The following PACSIN3 variants were observed in gnomAD, a reference collection of about 807,000 sequenced individuals.
PACSIN3 encodes the protein protein kinase C and casein kinase substrate in neurons protein 3.
PACSIN3 carries 34 observed loss-of-function variants against 56.1 expected under a neutral mutation model. The observed-to-expected ratio is 0.61, with a 90% confidence interval of 0.46 to 0.81. The LOEUF is 0.81. Ranked by LOEUF, PACSIN3 falls within the 30% of genes least tolerant of loss-of-function variation. The probability of loss-of-function intolerance (pLI) is 0.00; values close to 1 mark genes in which losing one functional copy is unlikely to be tolerated. For missense variants in PACSIN3, 535 were observed against 592.4 expected (o/e 0.90, Z 1.01); for synonymous variants, 218 against 229.8 (o/e 0.95, Z 0.46).
Position 47,179,134 on chromosome 11 carries a change from T to A in PACSIN3, c.900+25A>T. 1.2e-6 allele frequency: 2 copies of A among 1,613,028 alleles called. No individual in the cohort carries two copies. Among genetic ancestry groups the A allele is most frequent in the Non-Finnish European group, 1.7e-6 (2 of 1,179,690 alleles). On this transcript the variant is annotated intron_variant, in intron 8 of 10. Coordinates refer to ENST00000298838, the MANE Select transcript of PACSIN3 (RefSeq NM_016223.5). This position sits in a 1 kb window ranked among gnomAD's most constrained non-coding sequence, Gnocchi z 4.4. ...GAGTGGGAGCCCATCCCACCTCCCA[T>A]CCCCACCCCGCCTGGAACACATGCC... is the stretch of plus-strand genomic sequence containing the variant.
rs1217291850 is a variant in PACSIN3 at position 47,179,935 on chromosome 11, A to G, written c.603+251T>C. 6.6e-6 allele frequency among the ~76,000 whole-genome samples: 1 copy of G among 152,206 alleles called. No individual in the cohort carries two copies. Among genetic ancestry groups the G allele is most frequent in the African/African-American group, 2.4e-5 (1 of 41,448 alleles). ...GGAAAGGACACTTCGGGCAAAGGGT[A>G]CTGTGCAAGGAAAAGAGCTGGAAGT... On this transcript the variant is annotated intron_variant, in intron 6 of 10. Transcript: ENST00000298838. This position sits in a 1 kb window ranked among gnomAD's most constrained non-coding sequence, Gnocchi z 4.4.
intron 4 of PACSIN3, 71 bp from the exon 5 acceptor site, chr11:47,180,761 T>C: frequency 7.9e-7 from 1 of 1,267,518 alleles, no homozygotes; most frequent in South Asian, 1.4e-5. Context: ...TCTCACTGGG[T>C]GTGAGGCATG....
chr11:47,178,605 A>T lies in PACSIN3; in HGVS notation c.1038-118T>A. On this transcript the variant is annotated intron_variant, in intron 9 of 10. Transcript: ENST00000298838. This position sits in a 1 kb window ranked among gnomAD's most constrained non-coding sequence, Gnocchi z 4.2. ...CAGAGGCACCTGGGAGAGTCAGGTG[A>T]GGTACTAAAGATTCTAGCTCTACCT... 7.6e-7 allele frequency: 1 copy of T among 1,318,862 alleles called. No individual in the cohort carries two copies. The highest frequency in any genetic ancestry group is 1.0e-6 in the Non-Finnish European group (1 of 972,116). 81.7% of individuals were successfully genotyped at this position (1,318,862 alleles called of 1,614,324 possible).
In PACSIN3 at chr11:47,180,471, A is replaced by G; in HGVS notation, c.431T>C (p.Leu144Pro). 1 of 1,601,058 alleles carries G rather than the reference A, an allele frequency of 6.2e-7. No homozygotes were observed. Among genetic ancestry groups the G allele is most frequent in the Non-Finnish European group, 8.5e-7 (1 of 1,176,296 alleles). ...DGFRKAQKPW[L>P]KRLKEVEASK... ...CAGCCTCACCTCCTTCAGCCTCTTC[A>G]GCCAGGGCTTCTGGGCCTTGCGGAA... Residue 144 changes from leucine (L) to proline (P), a missense_variant, in exon 5 of 11, where the codon CTG (leucine) becomes CCG (proline). By Grantham distance (98) the Leu-to-Pro change is moderately conservative (BLOSUM62 -3). Coordinates refer to ENST00000298838, the MANE Select transcript of PACSIN3 (RefSeq NM_016223.5).
intron 4 of PACSIN3, 71 bp downstream of exon 4, chr11:47,182,332 C>T (rs1009821104): frequency 2.6e-5 from 38 of 1,462,466 alleles, no homozygotes; most frequent in South Asian, 2.5e-4. Context: ...TCCCACGAGA[C>T]GTGCAAAAAG....
Position 47,178,760 on chromosome 11 carries a change from C to T in PACSIN3, c.1037+134G>A. On this transcript the variant is annotated intron_variant, in intron 9 of 10. Transcript: ENST00000298838. The surrounding 1 kb of genome is among the most constrained non-coding windows in gnomAD (Gnocchi z 4.2). ...ATGAGAACCAGTATCATTACAACTA[C>T]TAAGTAGGCCCTCAGGTCCCTGGCA... 2 of 1,004,950 alleles carry T rather than the reference C, an allele frequency of 2.0e-6. No individual in the cohort carries two copies. The highest frequency in any genetic ancestry group is 3.1e-5 in the South Asian group (2 of 63,924). The allele number at this position is 1,004,950 out of a possible 1,614,324, so 62.3% of individuals were successfully genotyped here. A position where few individuals can be genotyped will look rare whatever the true frequency, so the allele number is the denominator to read the frequency against.
At position 47,179,318 on chromosome 11, in the gene PACSIN3, G is replaced by A; in HGVS notation, c.780-39C>T. On this transcript the variant is annotated intron_variant, in intron 7 of 10. Coordinates refer to ENST00000298838, the MANE Select transcript of PACSIN3 (RefSeq NM_016223.5). This position sits in a 1 kb window ranked among gnomAD's most constrained non-coding sequence, Gnocchi z 4.4. ...CACACCCCTCAGTCTAGGAAGTCTA[G>A]ACCCTGCATCCCTCAGTCCCAGCCA... The A allele has an allele frequency of 6.2e-7, 1 of 1,613,924 alleles. No homozygotes were observed. The highest frequency in any genetic ancestry group is 1.6e-4 in the Middle Eastern group (1 of 6,062).
rs138556546 is a variant in PACSIN3, at chr11:47,178,764, G to T, written c.1037+130C>A. 44 of 1,033,244 alleles carry T rather than the reference G, an allele frequency of 4.3e-5. 1 individual carries two copies. The East Asian group carries it at 1.1e-3, about 27-fold the overall frequency. 64.0% of individuals were successfully genotyped at this position (1,033,244 alleles called of 1,614,324 possible). On this transcript the variant is annotated intron_variant, in intron 9 of 10. Coordinates refer to ENST00000298838, the MANE Select transcript of PACSIN3 (RefSeq NM_016223.5). The surrounding 1 kb of genome is among the most constrained non-coding windows in gnomAD (Gnocchi z 4.2). The stretch of plus-strand genomic sequence containing the variant: ...GAACCAGTATCATTACAACTACTAA[G>T]TAGGCCCTCAGGTCCCTGGCACCAA...
intron 6 of PACSIN3, 39 bp downstream of exon 6, chr11:47,180,147 C>T: frequency 6.3e-7 from 1 of 1,580,232 alleles, no homozygotes; most frequent in Admixed American, 1.7e-5. Context: ...GGAAGCCGTG[C>T]CCTGGGCGGG....
rs1590974622 is a variant in PACSIN3, at chr11:47,182,499, G to T, written c.115C>A (p.Leu39Met). Residue 39 changes from leucine to methionine, a missense_variant, in exon 4 of 11, where the codon CTG becomes ATG. Transcript: ENST00000298838. ...GCGCGCTCCTGGAAGCAGCTGACCA[G>T]GTCCCCGCACAGCCGGTGCCCGTCC... is the stretch of plus-strand genomic sequence containing the variant. The part of the protein sequence containing the change: ...VEDGHRLCGD[L>M]VSCFQERARI... 1 of 1,611,884 alleles carries T rather than the reference G, an allele frequency of 6.2e-7. No homozygotes were observed. The highest frequency in any genetic ancestry group is 1.7e-5 in the Admixed American group (1 of 60,024).
rs1046192036 is a variant in PACSIN3, at chr11:47,177,840, G to A, written c.*91C>T. ...AGGGACAGAGGAGCAGCCAGAGAGC[G>A]ACGGTTCAGGGCCCTGAGGGTCCGG... is the stretch of plus-strand genomic sequence containing the variant. On this transcript the variant is annotated 3_prime_UTR_variant, in exon 11 of 11. Transcript: ENST00000298838. 13 of 982,152 alleles carry A rather than the reference G, an allele frequency of 1.3e-5. No homozygotes were observed. Among genetic ancestry groups the A allele is most frequent in the East Asian group, 4.9e-5 (2 of 40,466 alleles). 60.8% of individuals were successfully genotyped at this position (982,152 alleles called of 1,614,324 possible). A position where few individuals can be genotyped will look rare whatever the true frequency, so the allele number is the denominator to read the frequency against.
At chr11:47,180,385 T>C in intron 5 of PACSIN3, 44 bp from the exon 6 acceptor site, 1 of 1,599,870 alleles carries the variant, frequency 6.3e-7, no homozygotes, top group South Asian at 1.1e-5. Flanking sequence ...TGCCACACCT[T>C]GGCCCCCTCG....
chr11:47,183,271 T>C (rs1953063583), intron 1 of PACSIN3: 1 of 152,556 alleles, frequency 6.6e-6, no homozygotes, highest in Non-Finnish European at 1.5e-5. Flanking sequence ...CAACTGCCGA[T>C]GAGAGGACTC....
chr11:47,178,327 A>G lies in PACSIN3; in HGVS notation c.1159+39T>C, dbSNP rs749839567. Reference sequence around the variant, plus strand: ...TTCTGACACCCCTGCTCAGGCAGATAAGGCAGAGGCTGAAGCTAGGAAAGG... The same window carrying G: ...TTCTGACACCCCTGCTCAGGCAGATGAGGCAGAGGCTGAAGCTAGGAAAGG... On this transcript the variant is annotated intron_variant, in intron 10 of 10. Transcript: ENST00000298838. The surrounding 1 kb of genome is among the most constrained non-coding windows in gnomAD (Gnocchi z 4.2). 7 of 1,609,546 alleles carry G rather than the reference A, an allele frequency of 4.3e-6. No individual in the cohort carries two copies. The highest frequency in any genetic ancestry group is 8.5e-7 in the Non-Finnish European group (1 of 1,177,560).
intron 1 of PACSIN3, chr11:47,185,230 G>T (rs375396082): frequency 6.6e-6 from 1 of 152,306 alleles, no homozygotes; most frequent in Non-Finnish European, 1.5e-5. Flanking sequence ...GCCAAGGTAG[G>T]AAGTCCCTGG....
chr11:47,180,430 G>A (rs61897851), intron 5 of PACSIN3, 25 bp downstream of exon 5: 37 of 1,591,526 alleles, frequency 2.3e-5, no homozygotes, highest in Admixed American at 6.7e-5. Context: ...AGCCTGTCTC[G>A]GATACCTCCC....
chr11:47,179,043 T>C lies in PACSIN3; in HGVS notation c.901-13A>G, dbSNP rs1423966886. 6 of 1,613,974 alleles carry C rather than the reference T, an allele frequency of 3.7e-6. No individual in the cohort carries two copies. The South Asian group carries it at 5.5e-5, about 15-fold the overall frequency. On this transcript the variant is annotated splice_polypyrimidine_tract_variant and intron_variant, in intron 8 of 10. Coordinates refer to ENST00000298838, the MANE Select transcript of PACSIN3 (RefSeq NM_016223.5). This position sits in a 1 kb window ranked among gnomAD's most constrained non-coding sequence, Gnocchi z 4.4. ...CCAAGGACCACTCCTGTGGGGACAGTGCTTATAGTCAGGTGGGGCCATCTG... is the reference window on the plus strand; with the variant it reads ...CCAAGGACCACTCCTGTGGGGACAGCGCTTATAGTCAGGTGGGGCCATCTG...
At position 47,178,091 on chromosome 11, in the gene PACSIN3, C is replaced by A; in HGVS notation, c.1160-45G>T. The A allele has an allele frequency of 6.5e-7, 1 of 1,535,670 alleles. No individual in the cohort carries two copies. Among genetic ancestry groups the A allele is most frequent in the East Asian group, 2.3e-5 (1 of 43,500 alleles). The stretch of plus-strand genomic sequence containing the variant: ...TCACTGCCAGTGGCCCTGGCCCAGG[C>A]CCTGTTCCTGCAACTGGGTCAAGGA... On this transcript the variant is annotated intron_variant, in intron 10 of 10. Coordinates refer to ENST00000298838, the MANE Select transcript of PACSIN3 (RefSeq NM_016223.5). This position sits in a 1 kb window ranked among gnomAD's most constrained non-coding sequence, Gnocchi z 4.2.
At position 47,179,520 on chromosome 11, in the gene PACSIN3, T is replaced by C; in HGVS notation, c.670A>G (p.Met224Val). The C allele has an allele frequency of 2.5e-6, 4 of 1,613,936 alleles. No individual in the cohort carries two copies. The highest frequency in any genetic ancestry group is 1.1e-5 in the South Asian group (1 of 91,088). The change falls in exon 7 of 11, where the codon ATG (methionine) becomes GTG (valine). Residue 224 changes from methionine to valine, a missense_variant. Met to Val is a conservative substitution (Grantham distance 21). Coordinates refer to ENST00000298838, the MANE Select transcript of PACSIN3 (RefSeq NM_016223.5). This position sits in a 1 kb window ranked among gnomAD's most constrained non-coding sequence, Gnocchi z 4.4. ...TGGCAGGTCTCAAAGGCCTGTTCCA[T>C]GTCCTCCATGTAGCGTGGAGTGTAG... ...HRYTPRYMEDMEQAFETCQAA... is the reference protein window; with the variant it reads ...HRYTPRYMEDVEQAFETCQAA...
Sources: gnomAD v4.1 joint callset for allele counts (sites outside exome capture counted in the v4.1 genomes callset) on GRCh38, gnomAD v4.1.1 for gene constraint, Gnocchi (gnomAD v3.1) non-coding constraint, MANE v1.5 for transcripts, NCBI Gene and HGNC (gene_info 2026-07-23, HGNC 2026-07-21) for gene names.